Variants in TSPAN5 observed in about 807,000 individuals in gnomAD.
TSPAN5 encodes tetraspanin-5.
TSPAN5 carries 10 observed loss-of-function variants against 37.1 expected under a neutral mutation model. That is an observed-to-expected ratio of 0.27 (90% CI 0.17 to 0.46). The LOEUF (loss-of-function observed/expected upper bound fraction) is 0.46. Ranked by LOEUF, TSPAN5 falls within the 20% of genes least tolerant of loss-of-function variation. The probability of loss-of-function intolerance (pLI) is 1.00; values close to 1 mark genes in which losing one functional copy is unlikely to be tolerated. For missense variants in TSPAN5, 195 were observed against 326.6 expected (o/e 0.60, Z 3.11); for synonymous variants, 110 against 118.9 (o/e 0.93, Z 0.48).
chr4:98,476,518 A>G, intron 5 of TSPAN5, 58 bp from the exon 6 acceptor site: 2 of 1,521,508 alleles, frequency 1.3e-6, no homozygotes, highest in South Asian at 2.3e-5. Flanking sequence ...AAGCCCACCT[A>G]GAAATGAGCA....
intron 2 of TSPAN5, among the ~76,000 whole-genome samples, chr4:98,488,643 G>T (rs2110266575): frequency 6.6e-6 from 1 of 152,196 alleles, no homozygotes; most frequent in East Asian, 1.9e-4. Context: ...TCCAAGCAGT[G>T]AACTATGAAT....
chr4:98,647,318 A>C (rs1426429221), intron 1 of TSPAN5, among the ~76,000 whole-genome samples: 2 of 152,218 alleles, frequency 1.3e-5, no homozygotes, highest in Non-Finnish European at 2.9e-5. Flanking sequence ...GGCAGAATTA[A>C]ATGTTAAGGC....
chr4:98,616,369 T>C (rs1036995372), intron 1 of TSPAN5, among the ~76,000 whole-genome samples: 4 of 152,178 alleles, frequency 2.6e-5, no homozygotes, highest in Non-Finnish European at 5.9e-5. Flanking sequence ...CCACGGCTCC[T>C]GGAGTTTGTG....
At chr4:98,507,152 C>A (rs972297339) in intron 2 of TSPAN5, among the ~76,000 whole-genome samples, 50 of 152,318 alleles carry the variant, frequency 3.3e-4, no homozygotes, top group African/African-American at 1.1e-3. Flanking sequence ...AGCAGCCAAA[C>A]ATTCCCATTA....
At chr4:98,492,730 G>T (rs1753111293) in intron 2 of TSPAN5, among the ~76,000 whole-genome samples, 1 of 152,174 alleles carries the variant, frequency 6.6e-6, no homozygotes. Context: ...TCTCATTCAT[G>T]TTAACTCACT....
At chr4:98,604,657 G>T (rs1560555538) in intron 1 of TSPAN5, among the ~76,000 whole-genome samples, 2 of 152,136 alleles carry the variant, frequency 1.3e-5, no homozygotes, top group African/African-American at 2.4e-5. Context: ...ATAAGCCCAG[G>T]GGGCTTACAT....
intron 1 of TSPAN5, among the ~76,000 whole-genome samples, chr4:98,638,730 C>T (rs923363457): frequency 2.0e-5 from 3 of 152,160 alleles, no homozygotes; most frequent in Admixed American, 1.3e-4. Context: ...TTACCCTACT[C>T]GCAAGGTAAT....
At chr4:98,598,466 G>GCT (rs1553916447) in intron 1 of TSPAN5, among the ~76,000 whole-genome samples, 1 of 148,110 alleles carries the variant, frequency 6.8e-6, no homozygotes, top group Admixed American at 6.7e-5. Context: ...CCTCCCTCCT[G>GCT]TTTTTTTTTT....
At chr4:98,555,793 G>A (rs866794567) in intron 1 of TSPAN5, among the ~76,000 whole-genome samples, 2 of 152,054 alleles carry the variant, frequency 1.3e-5, no homozygotes, top group African/African-American at 4.8e-5. Context: ...CACAACCAGC[G>A]GTAGCAGCTT....
At chr4:98,530,142 C>T (rs920730959) in intron 1 of TSPAN5, among the ~76,000 whole-genome samples, 5 of 152,198 alleles carry the variant, frequency 3.3e-5, no homozygotes, top group African/African-American at 1.2e-4. Flanking sequence ...AGGCCATCAC[C>T]TGACTGGGTA....
intron 1 of TSPAN5, among the ~76,000 whole-genome samples, chr4:98,624,848 G>A (rs1269048816): frequency 6.6e-6 from 1 of 152,116 alleles, no homozygotes; most frequent in Non-Finnish European, 1.5e-5. Flanking sequence ...CATAAGTGAT[G>A]GCAGCCTACT....
Position 98,482,146 on chromosome 4 carries a change from GA to G in TSPAN5, c.308del (p.Phe103SerfsTer9), listed in dbSNP as rs1752852883. 6.2e-7 allele frequency: 1 copy of G among 1,613,968 alleles called. No individual in the cohort carries two copies. Among genetic ancestry groups the G allele is most frequent in the East Asian group, 2.2e-5 (1 of 44,856 alleles). On this transcript the variant is annotated frameshift_variant, in exon 4 of 8. Coordinates refer to ENST00000305798, the MANE Select transcript of TSPAN5 (RefSeq NM_005723.4). LOFTEE classifies it high-confidence loss of function. ...FFSVFLGIIFFLELTAGVLAF... is the reference protein window; with the variant it reads ...FFSVFLGIIFXLELTAGVLAF... ...CTAGAACTCCGGCAGTGAGCTCCAGGAAGAAAATAATTCCCAGGAACACAGA... is the reference window on the plus strand; with the variant it reads ...CTAGAACTCCGGCAGTGAGCTCCAGGAGAAAATAATTCCCAGGAACACAGA...
At chr4:98,539,741 T>G (rs1754317229) in intron 1 of TSPAN5, among the ~76,000 whole-genome samples, 1 of 152,184 alleles carries the variant, frequency 6.6e-6, no homozygotes, top group African/African-American at 2.4e-5. Context: ...CCTCACACCT[T>G]TGTGTAGTCC....
At chr4:98,559,625 A>G (rs569879793) in intron 1 of TSPAN5, among the ~76,000 whole-genome samples, 2 of 152,342 alleles carry the variant, frequency 1.3e-5, no homozygotes, top group Non-Finnish European at 2.9e-5. Context: ...ACTCCATAAC[A>G]TAAGTAGGCT....
intron 1 of TSPAN5, among the ~76,000 whole-genome samples, chr4:98,540,098 A>G (rs1754324259): frequency 6.6e-6 from 1 of 152,138 alleles, no homozygotes; most frequent in Admixed American, 6.5e-5. Context: ...CTCCCAGACT[A>G]ATGACTCTCA....
At chr4:98,496,118 A>G (rs1375541286) in intron 2 of TSPAN5, among the ~76,000 whole-genome samples, 2 of 152,212 alleles carry the variant, frequency 1.3e-5, no homozygotes, top group African/African-American at 4.8e-5. Context: ...ACGAGGAATG[A>G]CATTTCAAAG....
chr4:98,551,029 T>C (rs564292812), intron 1 of TSPAN5, among the ~76,000 whole-genome samples: 1 of 152,308 alleles, frequency 6.6e-6, no homozygotes, highest in Admixed American at 6.5e-5. Flanking sequence ...ATATATGGCC[T>C]TTATTATGTT....
At chr4:98,494,496 C>T (rs1578945016) in intron 2 of TSPAN5, among the ~76,000 whole-genome samples, 1 of 121,312 alleles carries the variant, frequency 8.2e-6, no homozygotes, top group Non-Finnish European at 1.7e-5. Context: ...ACCTCATCTG[C>T]CTAAGCCTCA....
intron 1 of TSPAN5, among the ~76,000 whole-genome samples, chr4:98,591,025 A>G (rs1284261373): frequency 6.6e-6 from 1 of 151,688 alleles, no homozygotes; most frequent in East Asian, 1.9e-4. Context: ...TCATAGCCCA[A>G]TAGAAATGAG....
Sources: gnomAD v4.1 joint callset for allele counts (sites outside exome capture counted in the v4.1 genomes callset) on GRCh38, gnomAD v4.1.1 for gene constraint, MANE v1.5 for transcripts, NCBI Gene and HGNC (gene_info 2026-07-23, HGNC 2026-07-21) for gene names.